Variants in PLCG2 observed in about 807,000 individuals in gnomAD.
PLCG2 encodes 1-phosphatidylinositol 4,5-bisphosphate phosphodiesterase gamma-2.
Under a neutral mutation model 175.6 loss-of-function variants are expected in PLCG2, and 69 were observed. The observed-to-expected ratio is 0.39, with a 90% confidence interval of 0.32 to 0.48. The LOEUF (loss-of-function observed/expected upper bound fraction) is 0.48. PLCG2 is among the 20% of genes least tolerant of loss of function. The pLI, the probability that PLCG2 is intolerant of heterozygous loss-of-function variation, is 0.91. For missense variants in PLCG2, 1,798 were observed against 1,650.9 expected, an observed-to-expected ratio of 1.09 and a Z score of -1.54; for synonymous variants, 827 against 624.0, an observed-to-expected ratio of 1.33 and a Z score of -4.85.
rs186972503 is a variant in PLCG2 at position 81,826,466 on chromosome 16, C to G, written c.194-27978C>G. On this transcript the variant is annotated intron_variant, in intron 2 of 32. Coordinates refer to ENST00000564138, the MANE Select transcript of PLCG2 (RefSeq NM_002661.5). ...GGTCAAAGTGCTCGACCTCGTGTGC[C>G]TCAGTCTCCTCACTGATAAAATCGC... Among the ~76,000 whole-genome samples the G allele has an allele frequency of 5.3e-5, 8 of 152,348 alleles. No homozygotes were observed. The East Asian group carries it at 1.2e-3, about 22-fold the overall frequency.
chr16:81,801,393 G>A (rs774668897), intron 2 of PLCG2, among the ~76,000 whole-genome samples: 5 of 152,122 alleles, frequency 3.3e-5, no homozygotes, highest in South Asian at 2.1e-4. Flanking sequence ...AAGACACTGC[G>A]TGGTGTGTAT....
At chr16:81,813,065 T>G (rs1243415728) in intron 2 of PLCG2, among the ~76,000 whole-genome samples, 2 of 152,218 alleles carry the variant, frequency 1.3e-5, no homozygotes, top group African/African-American at 2.4e-5. Context: ...CCATGCTGTT[T>G]TGTTGACCAT....
intron 7 of PLCG2, among the ~76,000 whole-genome samples, chr16:81,877,520 A>G (rs972207134): frequency 1.3e-5 from 2 of 152,172 alleles, no homozygotes; most frequent in Admixed American, 6.5e-5. Flanking sequence ...AAAGTCCAAA[A>G]TCCAGGTGTT....
At chr16:81,921,140 G>A in intron 20 of PLCG2, 58 bp from the exon 21 acceptor site, 1 of 1,051,014 alleles carries the variant, frequency 9.5e-7, no homozygotes, top group South Asian at 1.3e-5. Context: ...CTTGTTATAT[G>A]TAAGGGCTAT....
intron 7 of PLCG2, among the ~76,000 whole-genome samples, chr16:81,876,681 A>C (rs945097229): frequency 6.6e-6 from 1 of 152,196 alleles, no homozygotes; most frequent in South Asian, 2.1e-4. Context: ...GGTTAACAAT[A>C]CAGCTGTTTC....
chr16:81,948,611 G>A (rs555137127), intron 31 of PLCG2, among the ~76,000 whole-genome samples: 7 of 152,290 alleles, frequency 4.6e-5, no homozygotes, highest in Admixed American at 2.6e-4. Flanking sequence ...AATCCTGGAG[G>A]TCCAGGACTG....
chr16:81,881,718 C>A (rs988725017), intron 8 of PLCG2, among the ~76,000 whole-genome samples: 1 of 152,196 alleles, frequency 6.6e-6, no homozygotes, highest in African/African-American at 2.4e-5. Context: ...AATCTTGGCT[C>A]ACTGCAACCT....
chr16:81,911,597 C>T (rs978379322), intron 18 of PLCG2, among the ~76,000 whole-genome samples: 1 of 146,338 alleles, frequency 6.8e-6, no homozygotes, highest in Non-Finnish European at 1.5e-5. Flanking sequence ...CTGTGCCCAG[C>T]TAATTAATTA....
intron 1 of PLCG2, among the ~76,000 whole-genome samples, chr16:81,746,875 C>A (rs1030967143): frequency 5.9e-5 from 9 of 152,182 alleles, no homozygotes; most frequent in African/African-American, 2.2e-4. Context: ...AGTATGAATT[C>A]TGCTCCAGGA....
At chr16:81,770,367 T>C (rs753873128) in intron 2 of PLCG2, among the ~76,000 whole-genome samples, 3 of 152,170 alleles carry the variant, frequency 2.0e-5, no homozygotes, top group African/African-American at 7.2e-5. Flanking sequence ...TAGAAAACAA[T>C]GACAAGAGAA....
chr16:81,860,703 G>A (rs917676196), intron 5 of PLCG2, among the ~76,000 whole-genome samples: 2 of 152,164 alleles, frequency 1.3e-5, no homozygotes, highest in Non-Finnish European at 2.9e-5. Context: ...AGGCGCAGTG[G>A]TGTACACCTA....
chr16:81,931,147 T>C, intron 24 of PLCG2: 1 of 164,666 alleles, frequency 6.1e-6, no homozygotes. Flanking sequence ...TCCTTTCTCT[T>C]ATAAGGATAC....
At chr16:81,770,091 C>A (rs940881828) in intron 2 of PLCG2, among the ~76,000 whole-genome samples, 1 of 152,136 alleles carries the variant, frequency 6.6e-6, no homozygotes, top group Non-Finnish European at 1.5e-5. Context: ...TTTCTCTCCA[C>A]CCCCTTCGCT....
intron 2 of PLCG2, among the ~76,000 whole-genome samples, chr16:81,838,105 G>C (rs553544358): frequency 6.7e-6 from 1 of 149,820 alleles, no homozygotes; most frequent in African/African-American, 2.5e-5. Flanking sequence ...TTGAGGCGGA[G>C]TCTGGCTCTG....
At chr16:81,916,291 A>T (rs1354581585) in intron 19 of PLCG2, among the ~76,000 whole-genome samples, 6 of 92,474 alleles carry the variant, frequency 6.5e-5, no homozygotes, top group African/African-American at 2.8e-4. Flanking sequence ...TCCTTTTTTA[A>T]AAAAAGAAAA....
At chr16:81,890,523 G>A (rs1270159245) in intron 10 of PLCG2, among the ~76,000 whole-genome samples, 2 of 152,156 alleles carry the variant, frequency 1.3e-5, no homozygotes, top group African/African-American at 4.8e-5. Context: ...TTGCCTGGGT[G>A]GGATTATTGA....
In PLCG2 at chr16:81,962,064, G is replaced by C. The variant is rs570852074; in HGVS notation, c.*4066G>C. Reference sequence around the variant, plus strand: ...CGTCCCTCCCGAAGCTGCGCGCTCCGTCGAAGAGGACGACCAACCCCGATA... The same window carrying C: ...CGTCCCTCCCGAAGCTGCGCGCTCCCTCGAAGAGGACGACCAACCCCGATA... On this transcript the variant is annotated 3_prime_UTR_variant, in exon 33 of 33. Transcript: ENST00000564138. 1.1e-5 allele frequency: 2 copies of C among 187,644 alleles called. No individual in the cohort carries two copies. The highest frequency in any genetic ancestry group is 2.3e-5 in the Non-Finnish European group (2 of 88,136). 11.6% of individuals were successfully genotyped at this position (187,644 alleles called of 1,614,324 possible).
At chr16:81,764,523 T>C (rs1325904160) in intron 2 of PLCG2, among the ~76,000 whole-genome samples, 1 of 152,198 alleles carries the variant, frequency 6.6e-6, no homozygotes, top group Non-Finnish European at 1.5e-5. Flanking sequence ...TTTGCGACAC[T>C]GATCACTGGC....
chr16:81,818,077 T>A (rs550855367), intron 2 of PLCG2, among the ~76,000 whole-genome samples: 1 of 152,320 alleles, frequency 6.6e-6, no homozygotes, highest in African/African-American at 2.4e-5. Flanking sequence ...TCGGCTCGTG[T>A]CCCCTGATCT....
Sources: gnomAD v4.1 joint callset for allele counts (sites outside exome capture counted in the v4.1 genomes callset) on GRCh38, gnomAD v4.1.1 for gene constraint, MANE v1.5 for transcripts, NCBI Gene and HGNC (gene_info 2026-07-23, HGNC 2026-07-21) for gene names.